Variants in COL24A1 observed in about 807,000 individuals in gnomAD.
The protein encoded by COL24A1 is collagen type XXIV alpha 1 chain.
A neutral mutation model predicts 253.9 loss-of-function variants in COL24A1; 224 were observed. The observed-to-expected ratio is 0.88, with a 90% CI of 0.79 to 0.99. The LOEUF is 0.99. Among genes scored for constraint, COL24A1 ranks in the 50% least tolerant of loss-of-function variants. COL24A1 has a pLI of 0.00. For synonymous variants in COL24A1, 685 were observed against 673.7 expected (o/e 1.02, Z -0.26); for missense variants, 2,131 against 2,068.5 (o/e 1.03, Z -0.59).
intron 22 of COL24A1, 149 bp downstream of exon 22, chr1:85,970,078 G>T: frequency 3.2e-6 from 2 of 620,114 alleles, no homozygotes; most frequent in Non-Finnish European, 5.3e-6. Context: ...CCAGTTATTG[G>T]CCTATTTTAT....
intron 22 of COL24A1, among the ~76,000 whole-genome samples, chr1:85,968,469 T>A (rs1691786620): frequency 6.6e-6 from 1 of 152,194 alleles, no homozygotes; most frequent in Non-Finnish European, 1.5e-5. Flanking sequence ...GTCAAAACAT[T>A]CTAATTTTTG....
chr1:86,057,280 T>C (rs1700735885), intron 10 of COL24A1, among the ~76,000 whole-genome samples: 1 of 152,196 alleles, frequency 6.6e-6, no homozygotes, highest in African/African-American at 2.4e-5. Flanking sequence ...ATAAGTTTCC[T>C]AAGGCCCTCA....
Position 85,730,414 on chromosome 1 carries a change from T to A in COL24A1, c.*132A>T. 1 of 933,996 alleles carries A rather than the reference T, an allele frequency of 1.1e-6. No homozygotes were observed. Among genetic ancestry groups the A allele is most frequent in the Non-Finnish European group, 1.6e-6 (1 of 644,334 alleles). 57.9% of individuals were successfully genotyped at this position (933,996 alleles called of 1,614,324 possible). A position where few individuals can be genotyped will look rare whatever the true frequency, so the allele number is the denominator to read the frequency against. ...TCCTTCTTAGGAGGAAGTCTGTTCT[T>A]CCTGAGATTCTTTAAGATTTAGCCA... is the stretch of plus-strand genomic sequence containing the variant. On this transcript the variant is annotated 3_prime_UTR_variant, in exon 60 of 60. Coordinates refer to ENST00000370571, the MANE Select transcript of COL24A1 (RefSeq NM_152890.7).
chr1:85,832,941 T>A (rs1246323545), intron 43 of COL24A1, among the ~76,000 whole-genome samples: 10 of 151,552 alleles, frequency 6.6e-5, no homozygotes, highest in African/African-American at 2.4e-4. Context: ...CTAATTGCCC[T>A]GGCCAGAACT....
chr1:85,803,800 T>C (rs1671682997), intron 47 of COL24A1, among the ~76,000 whole-genome samples: 1 of 152,180 alleles, frequency 6.6e-6, no homozygotes, highest in Admixed American at 6.5e-5. Flanking sequence ...ATAAAGACAG[T>C]TTTACTTCTT....
At chr1:85,817,160 C>G (rs1398462817) in intron 46 of COL24A1, among the ~76,000 whole-genome samples, 3 of 152,146 alleles carry the variant, frequency 2.0e-5, no homozygotes, top group Non-Finnish European at 4.4e-5. Flanking sequence ...TAGTGTAATT[C>G]TCTGGTGTTT....
Position 85,980,418 on chromosome 1 carries a change from A to T in COL24A1, c.2364+7183T>A, listed in dbSNP as rs1032739407. 4.6e-5 allele frequency among the ~76,000 whole-genome samples: 7 copies of T among 152,290 alleles called. No homozygotes were observed. The East Asian group carries it at 1.4e-3, about 29-fold the overall frequency. On this transcript the variant is annotated intron_variant, in intron 20 of 59. Transcript: ENST00000370571. ...CTGTTTGCTGATGATATGATTGTAT[A>T]CCTATAAAACCCTAAAGTCTCATCC... is the stretch of plus-strand genomic sequence containing the variant.
intron 20 of COL24A1, among the ~76,000 whole-genome samples, chr1:85,982,875 T>C (rs1307326774): frequency 6.6e-6 from 1 of 152,012 alleles, no homozygotes; most frequent in Non-Finnish European, 1.5e-5. Context: ...GGAGAATAAA[T>C]GTCTTATACA....
intron 22 of COL24A1, among the ~76,000 whole-genome samples, chr1:85,968,457 T>C (rs1044166847): frequency 5.9e-5 from 9 of 152,200 alleles, no homozygotes; most frequent in Non-Finnish European, 7.4e-5. Flanking sequence ...TTAAGACTTC[T>C]AGTCAAAACA....
At chr1:85,805,642 A>G (rs1270355231) in intron 47 of COL24A1, among the ~76,000 whole-genome samples, 3 of 152,200 alleles carry the variant, frequency 2.0e-5, no homozygotes, top group Non-Finnish European at 2.9e-5. Context: ...CATCTACAAA[A>G]TAAGAAATAT....
rs1324982799 is a variant in COL24A1 at position 85,734,852 on chromosome 1, T to C, written c.4895A>G (p.Gln1632Arg). The change falls in exon 59 of 60, where the codon CAA becomes CGA. Residue 1632 changes from glutamine to arginine, a missense_variant. Coordinates refer to ENST00000370571, the MANE Select transcript of COL24A1 (RefSeq NM_152890.7). Reference sequence around the variant, plus strand: ...AATAGGCAATCCTGGGCCACTTGTTTGTGTGCTTGTCCACCTTGGGGTGTT... The same window carrying C: ...AATAGGCAATCCTGGGCCACTTGTTCGTGTGCTTGTCCACCTTGGGGTGTT... ...CLNTPRWTST[Q>R]TSGPGLPIGF... 1 of 1,614,222 alleles carries C rather than the reference T, an allele frequency of 6.2e-7. No homozygotes were observed. The highest frequency in any genetic ancestry group is 2.2e-5 in the East Asian group (1 of 44,882).
intron 43 of COL24A1, among the ~76,000 whole-genome samples, chr1:85,828,691 C>G (rs1225409631): frequency 2.7e-5 from 3 of 111,978 alleles, no homozygotes; most frequent in Non-Finnish European, 6.0e-5. Context: ...CCTTCTTTGT[C>G]TCTTTTGATC....
chr1:85,922,432 A>G lies in COL24A1; in HGVS notation c.2563-10999T>C, dbSNP rs12064757. 1.2e-3 allele frequency among the ~76,000 whole-genome samples: 179 copies of G among 152,326 alleles called. 1 individual carries two copies. Among genetic ancestry groups the G allele is most frequent in the African/African-American group, 4.1e-3 (170 of 41,578 alleles). On this transcript the variant is annotated intron_variant, in intron 24 of 59. Coordinates refer to ENST00000370571, the MANE Select transcript of COL24A1 (RefSeq NM_152890.7). The stretch of plus-strand genomic sequence containing the variant: ...GCAGCCAGAGAGAAAGGTCAGGTTA[A>G]CCACAAAGGGAAGCCCATCAGACTA...
At chr1:85,824,961 T>A (rs1034878603) in intron 43 of COL24A1, among the ~76,000 whole-genome samples, 1 of 151,140 alleles carries the variant, frequency 6.6e-6, no homozygotes, top group African/African-American at 2.4e-5. Flanking sequence ...TTAGGGTACA[T>A]GTGCACAATG....
chr1:85,975,628 G>A (rs1461443221), intron 20 of COL24A1, among the ~76,000 whole-genome samples: 2 of 152,300 alleles, frequency 1.3e-5, no homozygotes, highest in East Asian at 3.9e-4. Context: ...TGGTAGTAGG[G>A]AAGGGGCTTC....
At position 85,730,641 on chromosome 1, in the gene COL24A1, G is replaced by A. The variant is rs747718522; in HGVS notation, c.5050C>T (p.Pro1684Ser). ...ACTTCAATCACTGGAAGTTGATTAG[G>A]TTCCTGGGTGTGAAAAAGAAATGTT... Reference protein sequence around the residue: ...KATFLFHTQEPNQLPVIEVQK... With the variant: ...KATFLFHTQESNQLPVIEVQK... Residue 1684 changes from proline to serine, a missense_variant, in exon 60 of 60, where the codon CCT becomes TCT. Physicochemically the swap from Pro to Ser is moderately conservative, Grantham distance 74. Coordinates refer to ENST00000370571, the MANE Select transcript of COL24A1 (RefSeq NM_152890.7). The A allele has an allele frequency of 6.8e-6, 11 of 1,614,024 alleles. No individual in the cohort carries two copies. Among genetic ancestry groups the A allele is most frequent in the Non-Finnish European group, 8.5e-6 (10 of 1,179,920 alleles).
At chr1:85,827,076 T>A (rs1246659211) in intron 43 of COL24A1, among the ~76,000 whole-genome samples, 1 of 152,124 alleles carries the variant, frequency 6.6e-6, no homozygotes, top group African/African-American at 2.4e-5. Flanking sequence ...CATAGATAGC[T>A]CTTATTATTT....
chr1:85,828,119 G>A (rs1045680771), intron 43 of COL24A1, among the ~76,000 whole-genome samples: 17 of 152,028 alleles, frequency 1.1e-4, no homozygotes, highest in African/African-American at 3.9e-4. Flanking sequence ...CTGGTATGTT[G>A]TGTCTTTGTT....
chr1:85,781,539 G>A (rs939636819), intron 51 of COL24A1, among the ~76,000 whole-genome samples: 1 of 152,056 alleles, frequency 6.6e-6, no homozygotes, highest in East Asian at 1.9e-4. Context: ...TTTTTATGTG[G>A]TGATAACTTC....
Sources: allele counts gnomAD v4.1 joint callset (sites outside exome capture counted in the v4.1 genomes callset), GRCh38; gene constraint gnomAD v4.1.1; transcripts MANE v1.5; gene names NCBI Gene and HGNC (gene_info 2026-07-23, HGNC 2026-07-21).